Variants in MTMR7 observed in about 807,000 individuals in gnomAD.
MTMR7 encodes the protein phosphatidylinositol-3-phosphate phosphatase MTMR7.
Under a neutral mutation model 81.2 loss-of-function variants are expected in MTMR7, and 76 were observed. The observed-to-expected ratio is 0.94, with a 90% CI of 0.78 to 1.13. The LOEUF (loss-of-function observed/expected upper bound fraction) is 1.13. MTMR7 is among the 50% of genes most tolerant of loss of function. The pLI, the probability that MTMR7 is intolerant of heterozygous loss-of-function variation, is 0.00. For missense variants in MTMR7, 1,044 were observed against 820.0 expected, an observed-to-expected ratio of 1.27 and a Z score of -3.34; for synonymous variants, 372 against 289.8, an observed-to-expected ratio of 1.28 and a Z score of -2.88.
At chr8:17,325,841 C>T (rs2150519484) in intron 7 of MTMR7, among the ~76,000 whole-genome samples, 1 of 152,294 alleles carries the variant, frequency 6.6e-6, no homozygotes, top group South Asian at 2.1e-4. Flanking sequence ...AGGCATGGGG[C>T]CTACCAAATA....
intron 9 of MTMR7, 30 bp downstream of exon 9, chr8:17,311,481 C>A: frequency 6.2e-7 from 1 of 1,613,818 alleles, no homozygotes; most frequent in Non-Finnish European, 8.5e-7. Flanking sequence ...AAGGCACCGC[C>A]TGTGGGAATC....
Position 17,343,219 on chromosome 8 carries a change from G to C in MTMR7, c.598-1722C>G, listed in dbSNP as rs144596171. ...AGGCGGGGGGATAACTTGAGGTCAG[G>C]AGTTCGAGACCAGCCTGTCCAACAT... On this transcript the variant is annotated intron_variant, in intron 5 of 13. Coordinates refer to ENST00000180173, the MANE Select transcript of MTMR7 (RefSeq NM_004686.5). Among the ~76,000 whole-genome samples the C allele has an allele frequency of 8.6e-3, 1,315 of 152,222 alleles. 26 individuals carry two copies. Among genetic ancestry groups the C allele is most frequent in the African/African-American group, 0.03 (1,238 of 41,524 alleles).
chr8:17,334,135 A>G (rs1819146494), intron 6 of MTMR7, among the ~76,000 whole-genome samples: 1 of 152,212 alleles, frequency 6.6e-6, no homozygotes, highest in African/African-American at 2.4e-5. Context: ...ACTTCTCAGA[A>G]TGAACAGAAG....
chr8:17,411,148 TG>T (rs1349986765), intron 1 of MTMR7, among the ~76,000 whole-genome samples: 1 of 152,244 alleles, frequency 6.6e-6, no homozygotes, highest in African/African-American at 2.4e-5. Flanking sequence ...AAAAGGAGGA[TG>T]TTATTTAACC....
intron 1 of MTMR7, among the ~76,000 whole-genome samples, chr8:17,373,723 A>C (rs1364167801): frequency 6.6e-6 from 1 of 152,246 alleles, no homozygotes; most frequent in Non-Finnish European, 1.5e-5. Context: ...ATAAACATAC[A>C]TACGGGAGAA....
chr8:17,300,331 G>T (rs929790687), intron 13 of MTMR7, 107 bp from the exon 14 acceptor site: 6 of 1,227,316 alleles, frequency 4.9e-6, no homozygotes, highest in Admixed American at 2.8e-5. Flanking sequence ...ATAATGTTAA[G>T]AACATGTGAC....
chr8:17,340,802 C>T (rs1420156440), intron 6 of MTMR7, among the ~76,000 whole-genome samples: 2 of 152,168 alleles, frequency 1.3e-5, no homozygotes, highest in African/African-American at 4.8e-5. Context: ...CTCCCTTCTC[C>T]ATGGAATTTT....
rs957836944 is a variant in MTMR7, at chr8:17,309,187, CAA to C, written c.1151+88_1151+89del. ...GAATAAGAGACACAAACTCAAAAAACAAGACGATTTTCCCCTAAATATTCAAT... is the reference window on the plus strand; with the variant it reads ...GAATAAGAGACACAAACTCAAAAAACGACGATTTTCCCCTAAATATTCAAT... On this transcript the variant is annotated intron_variant, in intron 10 of 13. Transcript: ENST00000180173. 1.3e-4 allele frequency: 117 copies of C among 890,854 alleles called. No individual in the cohort carries two copies. In the East Asian group the frequency reaches 2.4e-3, roughly 18 times the overall value. The allele number at this position is 890,854 out of a possible 1,614,324, so 55.2% of individuals were successfully genotyped here. A position where few individuals can be genotyped will look rare whatever the true frequency, so the allele number is the denominator to read the frequency against.
At chr8:17,336,601 C>G (rs891127967) in intron 6 of MTMR7, among the ~76,000 whole-genome samples, 1 of 152,200 alleles carries the variant, frequency 6.6e-6, no homozygotes, top group African/African-American at 2.4e-5. Context: ...ACGTGACATC[C>G]TGTTACACAA....
At chr8:17,339,972 A>T (rs1819357020) in intron 6 of MTMR7, among the ~76,000 whole-genome samples, 1 of 152,206 alleles carries the variant, frequency 6.6e-6, no homozygotes, top group Non-Finnish European at 1.5e-5. Flanking sequence ...TGTTTTTGAG[A>T]TGGAGTTTCG....
At chr8:17,411,798 G>A (rs903034300) in intron 1 of MTMR7, among the ~76,000 whole-genome samples, 2 of 152,180 alleles carry the variant, frequency 1.3e-5, no homozygotes, top group Non-Finnish European at 2.9e-5. Context: ...GAACAGAAAA[G>A]GCCTTGACTC....
chr8:17,320,529 A>G (rs1238056666), intron 7 of MTMR7, among the ~76,000 whole-genome samples: 1 of 152,196 alleles, frequency 6.6e-6, no homozygotes, highest in African/African-American at 2.4e-5. Context: ...GAGGACATAC[A>G]GAAGCTGATG....
intron 9 of MTMR7, 56 bp downstream of exon 9, chr8:17,311,455 G>A: frequency 1.2e-6 from 2 of 1,605,170 alleles, no homozygotes; most frequent in African/African-American, 1.3e-5. Flanking sequence ...GTAAAAACAG[G>A]GGTCCATTCC....
chr8:17,336,204 C>T (rs536805790), intron 6 of MTMR7, among the ~76,000 whole-genome samples: 4 of 152,170 alleles, frequency 2.6e-5, no homozygotes, highest in Admixed American at 1.3e-4. Flanking sequence ...TATTCCAGTA[C>T]GCTCAACTTC....
intron 1 of MTMR7, among the ~76,000 whole-genome samples, chr8:17,412,863 C>T (rs940142947): frequency 4.6e-5 from 7 of 152,176 alleles, no homozygotes; most frequent in African/African-American, 1.7e-4. Context: ...GCATTTAGCT[C>T]GTTTTCCTTG....
intron 7 of MTMR7, among the ~76,000 whole-genome samples, chr8:17,320,099 TTAAA>T (rs1229954899): frequency 3.3e-5 from 5 of 152,008 alleles, no homozygotes; most frequent in African/African-American, 9.7e-5. Context: ...ATAGACGGGG[TTAAA>T]TAAAATACAT....
intron 1 of MTMR7, among the ~76,000 whole-genome samples, chr8:17,379,817 G>A (rs192352407): frequency 6.6e-6 from 1 of 152,098 alleles, no homozygotes; most frequent in East Asian, 1.9e-4. Context: ...TTTTAATTAG[G>A]TAGTGAAGCA....
In MTMR7 at chr8:17,302,284, G is replaced by C; in HGVS notation, c.1494-4C>G. The C allele has an allele frequency of 1.9e-6, 3 of 1,612,300 alleles. No individual in the cohort carries two copies. In the South Asian group the frequency reaches 3.3e-5, roughly 18 times the overall value. ...GTTATACATTCCACTCCAAAACCTG[G>C]AAAGGATGGCAAAGCGTCGTGATAC... On this transcript the variant is annotated splice_polypyrimidine_tract_variant and splice_region_variant and intron_variant, in intron 12 of 13. Coordinates refer to ENST00000180173, the MANE Select transcript of MTMR7 (RefSeq NM_004686.5).
chr8:17,336,325 C>T (rs919189380), intron 6 of MTMR7, among the ~76,000 whole-genome samples: 6 of 152,084 alleles, frequency 3.9e-5, no homozygotes, highest in Non-Finnish European at 7.4e-5. Context: ...TCCTCAGGCT[C>T]CACTGGACCC....
Sources: allele counts gnomAD v4.1 joint callset (sites outside exome capture counted in the v4.1 genomes callset), GRCh38; gene constraint gnomAD v4.1.1; transcripts MANE v1.5; gene names NCBI Gene and HGNC (gene_info 2026-07-23, HGNC 2026-07-21).